TBC1D22B: variants seen among roughly 807,000 people sequenced by gnomAD.
The protein encoded by TBC1D22B is TBC1 domain family member 22B.
In TBC1D22B, 32 loss-of-function variants were observed where a neutral mutation model predicts 69.1. That is an observed-to-expected ratio of 0.46 (90% CI 0.35 to 0.62). The LOEUF is 0.62. Among genes scored for constraint, TBC1D22B ranks in the 20% least tolerant of loss-of-function variants. The pLI is 0.00. For missense variants in TBC1D22B, 462 were observed against 630.9 expected, an observed-to-expected ratio of 0.73 and a Z score of 2.87; for synonymous variants, 206 against 229.8, an observed-to-expected ratio of 0.90 and a Z score of 0.94.
chr6:37,312,832 A>G, intron 8 of TBC1D22B, 86 bp from the exon 9 acceptor site: 1 of 1,122,522 alleles, frequency 8.9e-7, no homozygotes, highest in Non-Finnish European at 1.3e-6. Context: ...TTGGCCTTAA[A>G]GACCCCATTG....
At chr6:37,278,359 G>C (rs1766727067) in intron 2 of TBC1D22B, among the ~76,000 whole-genome samples, 1 of 152,080 alleles carries the variant, frequency 6.6e-6, no homozygotes, top group African/African-American at 2.4e-5. Flanking sequence ...TTTTTATTTT[G>C]GGACTTAATG....
chr6:37,313,055 C>T (rs201664557), intron 9 of TBC1D22B, 31 bp downstream of exon 9: 29 of 1,576,690 alleles, frequency 1.8e-5, no homozygotes, highest in Non-Finnish European at 1.2e-5. Flanking sequence ...TGGGAACAAA[C>T]GTCTAGGTCC....
chr6:37,266,332 A>G (rs143823843), intron 1 of TBC1D22B, among the ~76,000 whole-genome samples: 1,839 of 152,220 alleles, frequency 0.012, 32 homozygotes, highest in Middle Eastern at 0.044. Context: ...AGATACATAG[A>G]CCTAATCATA....
chr6:37,267,358 T>C (rs1473897624), intron 1 of TBC1D22B, among the ~76,000 whole-genome samples: 1 of 115,468 alleles, frequency 8.7e-6, no homozygotes, highest in Admixed American at 9.9e-5. Flanking sequence ...TATACACACA[T>C]ATATAATATA....
chr6:37,280,557 A>G (rs1766792624), intron 3 of TBC1D22B, among the ~76,000 whole-genome samples: 1 of 152,262 alleles, frequency 6.6e-6, no homozygotes, highest in South Asian at 2.1e-4. Flanking sequence ...AGGTGGCCAC[A>G]GCTGCAGGCC....
rs147429305 is a variant in TBC1D22B, at chr6:37,311,315, G to A, written c.983-1603G>A. On this transcript the variant is annotated intron_variant, in intron 8 of 12. Transcript: ENST00000373491. ...TGTCTCTTTAAACGGGTGAGAATCC[G>A]AGAGTTGTTACATGTTTTCTCAAGG... Among the ~76,000 whole-genome samples, 65 of 151,290 alleles carry A rather than the reference G, an allele frequency of 4.3e-4. No homozygotes were observed. The East Asian group carries it at 6.4e-3, about 15-fold the overall frequency.
At chr6:37,263,372 A>G (rs182390430) in intron 1 of TBC1D22B, among the ~76,000 whole-genome samples, 212 of 152,352 alleles carry the variant, frequency 1.4e-3, no homozygotes, top group Non-Finnish European at 1.2e-3. Context: ...AGATGTAGAA[A>G]GATATGTGCA....
At chr6:37,300,191 A>G (rs1361575826) in intron 8 of TBC1D22B, among the ~76,000 whole-genome samples, 1 of 152,022 alleles carries the variant, frequency 6.6e-6, no homozygotes, top group African/African-American at 2.4e-5. Flanking sequence ...TATAAATAAT[A>G]CACCATCTTT....
At chr6:37,301,168 T>C (rs566987579) in intron 8 of TBC1D22B, among the ~76,000 whole-genome samples, 1 of 152,356 alleles carries the variant, frequency 6.6e-6, no homozygotes, top group African/African-American at 2.4e-5. Flanking sequence ...GGGAACCTTT[T>C]ATTAATACAA....
At chr6:37,287,138 G>T (rs1217840412) in intron 7 of TBC1D22B, 66 bp downstream of exon 7, 1 of 1,370,266 alleles carries the variant, frequency 7.3e-7, no homozygotes, top group Non-Finnish European at 1.0e-6. Context: ...CTGTTTACAG[G>T]TTTGCGGCTA....
At chr6:37,316,878 T>C in intron 11 of TBC1D22B, 48 bp downstream of exon 11, 4 of 1,611,968 alleles carry the variant, frequency 2.5e-6, no homozygotes, top group Non-Finnish European at 3.4e-6. Context: ...CTCTGAGGTG[T>C]CCAGCTCTCT....
At chr6:37,299,956 C>CCG (rs1020833742) in intron 8 of TBC1D22B, among the ~76,000 whole-genome samples, 1 of 150,066 alleles carries the variant, frequency 6.7e-6, no homozygotes, top group African/African-American at 2.5e-5. Context: ...TTGCAGTGAG[C>CCG]CGAGATCACG....
At chr6:37,299,870 A>G (rs1010117801) in intron 8 of TBC1D22B, among the ~76,000 whole-genome samples, 2 of 152,056 alleles carry the variant, frequency 1.3e-5, no homozygotes, top group African/African-American at 4.8e-5. Flanking sequence ...TTAGCCGGGC[A>G]TGGTGGCGGC....
chr6:37,278,984 G>C (rs985257090), intron 2 of TBC1D22B, among the ~76,000 whole-genome samples: 5 of 152,066 alleles, frequency 3.3e-5, no homozygotes, highest in African/African-American at 1.2e-4. Context: ...TACTTTGCCT[G>C]GAAGTAATCG....
At chr6:37,317,572 C>A (rs911705983) in intron 12 of TBC1D22B, among the ~76,000 whole-genome samples, 2 of 152,172 alleles carry the variant, frequency 1.3e-5, no homozygotes, top group African/African-American at 4.8e-5. Context: ...AGCTTACGTA[C>A]TCTGATAGTT....
rs1484604879 is a variant in TBC1D22B, at chr6:37,284,327, T to C, written c.673-9T>C. On this transcript the variant is annotated splice_polypyrimidine_tract_variant and intron_variant, in intron 5 of 12. Coordinates refer to ENST00000373491, the MANE Select transcript of TBC1D22B (RefSeq NM_017772.4). ...TCTTTCCCCATCTGACCAGCAGTCT[T>C]GTCTATAGGGCTATCTCCCAGCAAA... 3 of 1,614,030 alleles carry C rather than the reference T, an allele frequency of 1.9e-6. No homozygotes were observed. The highest frequency in any genetic ancestry group is 2.2e-5 in the East Asian group (1 of 44,896).
intron 8 of TBC1D22B, among the ~76,000 whole-genome samples, chr6:37,298,539 G>GTTTTTTTTTTTTTTTTTTTTTTTTTTT (rs34996865): frequency 5.6e-5 from 4 of 71,216 alleles, no homozygotes; most frequent in African/African-American, 2.5e-4. Flanking sequence ...GTTGCCTACA[G>GTTTTTTTTTTTTTTTTTTTTTTTTTTT]TTTTTTTTTT....
chr6:37,327,585 G>A (rs1191293592), intron 12 of TBC1D22B, among the ~76,000 whole-genome samples: 4 of 151,546 alleles, frequency 2.6e-5, no homozygotes, highest in Non-Finnish European at 1.5e-5. Context: ...ACTGAGGCCA[G>A]AATAGAACCA....
intron 2 of TBC1D22B, among the ~76,000 whole-genome samples, chr6:37,275,133 C>G (rs1168444153): frequency 1.3e-5 from 2 of 152,132 alleles, no homozygotes; most frequent in Non-Finnish European, 2.9e-5. Context: ...TGTAAACTAC[C>G]TGGGACTGTG....
Sources: allele counts gnomAD v4.1 joint callset (sites outside exome capture counted in the v4.1 genomes callset), GRCh38; gene constraint gnomAD v4.1.1; transcripts MANE v1.5; gene names NCBI Gene and HGNC (gene_info 2026-07-23, HGNC 2026-07-21).